Variants in ZNF704 observed in about 807,000 individuals in gnomAD.
ZNF704 encodes the protein zinc finger protein 704, also known as glucocorticoid induced gene 1.
ZNF704 carries 10 observed loss-of-function variants against 44.7 expected under a neutral mutation model. That is an observed-to-expected ratio of 0.22 (90% CI 0.14 to 0.38). The LOEUF is 0.38. ZNF704 is among the 10% of genes least tolerant of loss of function. The pLI, the probability that ZNF704 is intolerant of heterozygous loss-of-function variation, is 1.00. For missense variants in ZNF704, 390 were observed against 545.5 expected (o/e 0.71, Z 2.84); for synonymous variants, 211 against 207.6 (o/e 1.02, Z -0.14).
At chr8:80,790,727 C>A (rs749133190) in intron 2 of ZNF704, among the ~76,000 whole-genome samples, 3 of 152,006 alleles carry the variant, frequency 2.0e-5, no homozygotes, top group African/African-American at 7.2e-5. Flanking sequence ...TGGAGCCACA[C>A]TGGGCAGAGT....
intron 2 of ZNF704, among the ~76,000 whole-genome samples, chr8:80,800,032 T>C (rs571005618): frequency 5.3e-5 from 8 of 152,008 alleles, no homozygotes; most frequent in Non-Finnish European, 1.0e-4. Context: ...ATCATAAGTA[T>C]CAAGAGCAGA....
chr8:80,774,921 C>T (rs916347520), intron 2 of ZNF704, among the ~76,000 whole-genome samples: 1 of 152,184 alleles, frequency 6.6e-6, no homozygotes, highest in Non-Finnish European at 1.5e-5. Flanking sequence ...GAAATGAAAA[C>T]CCATGAAACT....
At chr8:80,762,523 G>A (rs1807150085) in intron 2 of ZNF704, among the ~76,000 whole-genome samples, 1 of 152,104 alleles carries the variant, frequency 6.6e-6, no homozygotes, top group South Asian at 2.1e-4. Flanking sequence ...GAACAGCATG[G>A]GGGAAACTGG....
intron 5 of ZNF704, among the ~76,000 whole-genome samples, chr8:80,668,457 C>T (rs1210542989): frequency 6.6e-6 from 1 of 152,126 alleles, no homozygotes; most frequent in African/African-American, 2.4e-5. Flanking sequence ...AGGGCTTGGC[C>T]TTGTGACCAG....
chr8:80,883,053 CAT>C, the ZNF704 span, among the ~76,000 whole-genome samples: 7 of 86,498 alleles, frequency 8.1e-5, no homozygotes, highest in African/African-American at 3.5e-4. Context: ...GACTGGGCAA[CAT>C]AATGAAACCC....
chr8:80,757,199 T>C (rs1807050812), intron 2 of ZNF704, among the ~76,000 whole-genome samples: 1 of 152,162 alleles, frequency 6.6e-6, no homozygotes, highest in African/African-American at 2.4e-5. Context: ...GCTCCATGCA[T>C]GTTATTGCCC....
intron 1 of ZNF704, among the ~76,000 whole-genome samples, chr8:80,854,216 A>G (rs1040355041): frequency 2.0e-5 from 3 of 152,242 alleles, no homozygotes; most frequent in Non-Finnish European, 2.9e-5. Flanking sequence ...CATGATGTCC[A>G]AGGATAAAAA....
intron 1 of ZNF704, among the ~76,000 whole-genome samples, chr8:80,842,892 A>G (rs1808705035): frequency 6.6e-6 from 1 of 152,164 alleles, no homozygotes; most frequent in Non-Finnish European, 1.5e-5. Context: ...AACAGCAGCA[A>G]TCTTTCTTAA....
chr8:80,844,749 A>T (rs1808739870), intron 1 of ZNF704, among the ~76,000 whole-genome samples: 1 of 152,196 alleles, frequency 6.6e-6, no homozygotes, highest in South Asian at 2.1e-4. Flanking sequence ...ACATGCTATT[A>T]AAATTTTATG....
intron 2 of ZNF704, among the ~76,000 whole-genome samples, chr8:80,698,540 A>ATGGGGTTGGGAGAGGTTGGG (rs1818760245): frequency 6.6e-6 from 1 of 152,114 alleles, no homozygotes; most frequent in African/African-American, 2.4e-5. Flanking sequence ...TTCAAGTGGA[A>ATGGGGTTGGGAGAGGTTGGG]TGGGGTTGGG....
At chr8:80,649,523 C>A (rs1817881828) in intron 7 of ZNF704, among the ~76,000 whole-genome samples, 1 of 152,232 alleles carries the variant, frequency 6.6e-6, no homozygotes, top group Non-Finnish European at 1.5e-5. Context: ...TTATATCCTG[C>A]ACCTGGCTCG....
At chr8:80,734,049 G>A (rs1806625365) in intron 2 of ZNF704, among the ~76,000 whole-genome samples, 1 of 152,076 alleles carries the variant, frequency 6.6e-6, no homozygotes, top group African/African-American at 2.4e-5. Flanking sequence ...TTCTCCAGAT[G>A]GTGTTTCGAA....
chr8:80,678,031 T>A (rs1818397015), intron 4 of ZNF704, among the ~76,000 whole-genome samples: 2 of 152,200 alleles, frequency 1.3e-5, no homozygotes, highest in Admixed American at 6.5e-5. Flanking sequence ...TCACTTTATA[T>A]CGTACATTTC....
chr8:80,649,545 G>A (rs954699482), intron 7 of ZNF704, among the ~76,000 whole-genome samples: 5 of 152,150 alleles, frequency 3.3e-5, no homozygotes, highest in Non-Finnish European at 7.4e-5. Context: ...AGGGTCCTAC[G>A]CCCATGGAGC....
chr8:80,724,235 T>C (rs1268011330), intron 2 of ZNF704, among the ~76,000 whole-genome samples: 1 of 152,224 alleles, frequency 6.6e-6, no homozygotes, highest in Non-Finnish European at 1.5e-5. Flanking sequence ...AGGAGGTAGT[T>C]TGACAGAGGT....
chr8:80,815,596 C>T (rs548944734), intron 2 of ZNF704, among the ~76,000 whole-genome samples: 13 of 152,194 alleles, frequency 8.5e-5, no homozygotes, highest in African/African-American at 3.1e-4. Context: ...TTGTAAATGA[C>T]AATAAGTTAA....
In ZNF704 at chr8:80,641,564, G is replaced by C. The variant is rs918119548; in HGVS notation, c.1128-87C>G. ...GCTCAAAAATCCCTTGCAAGAGTGAGGGAGGAAAAAAAAAAAAAAAAGGCT... is the reference window on the plus strand; with the variant it reads ...GCTCAAAAATCCCTTGCAAGAGTGACGGAGGAAAAAAAAAAAAAAAAGGCT... On this transcript the variant is annotated intron_variant, in intron 8 of 8. Coordinates refer to ENST00000327835, the MANE Select transcript of ZNF704 (RefSeq NM_001033723.3). 34 of 694,000 alleles carry C rather than the reference G, an allele frequency of 4.9e-5. No individual in the cohort carries two copies. In the African/African-American group the frequency reaches 7.1e-4, roughly 15 times the overall value. 43.0% of individuals were successfully genotyped at this position (694,000 alleles called of 1,614,324 possible).
In ZNF704 at chr8:80,633,684, ATATTCCTATTCT is replaced by A. The variant is rs1332650277; in HGVS notation, c.*7670_*7681del. On this transcript the variant is annotated 3_prime_UTR_variant, in exon 9 of 9. Transcript: ENST00000327835. ...TGGAGGTGGGTAATGTTGATTTTAA[ATATTCCTATTCT>A]ACACTGGGTTCTTACAAAGATCAAA... 1.3e-5 allele frequency: 2 copies of A among 152,212 alleles called. No individual in the cohort carries two copies. The highest frequency in any genetic ancestry group is 4.8e-5 in the African/African-American group (2 of 41,452). 9.4% of individuals were successfully genotyped at this position (152,212 alleles called of 1,614,324 possible).
chr8:80,754,341 T>G (rs1806999732), intron 2 of ZNF704, among the ~76,000 whole-genome samples: 1 of 152,096 alleles, frequency 6.6e-6, no homozygotes, highest in African/African-American at 2.4e-5. Context: ...CTCTAACTAG[T>G]CCAACAAATA....
Sources: gnomAD v4.1 joint callset for allele counts (sites outside exome capture counted in the v4.1 genomes callset) on GRCh38, gnomAD v4.1.1 for gene constraint, MANE v1.5 for transcripts, NCBI Gene and HGNC (gene_info 2026-07-23, HGNC 2026-07-21) for gene names.